The following ADCY3 variants were observed in gnomAD, a reference collection of about 807,000 sequenced individuals.
ADCY3 encodes adenylate cyclase 3.
In ADCY3, 70 loss-of-function variants were observed where a neutral mutation model predicts 119.4. That is an observed-to-expected ratio of 0.59 (90% confidence interval 0.48 to 0.72). The LOEUF (loss-of-function observed/expected upper bound fraction) is 0.72, where lower values mean the gene tolerates loss of function less well. ADCY3 is among the 30% of genes least tolerant of loss of function. The pLI is 0.00. For synonymous variants in ADCY3, 672 were observed against 621.4 expected, an observed-to-expected ratio of 1.08 and a Z score of -1.21; for missense variants, 1,238 against 1,541.6, an observed-to-expected ratio of 0.80 and a Z score of 3.30.
Position 24,918,347 on chromosome 2 carries a change from T to A in ADCY3, c.641A>T (p.Gln214Leu). ...VLGVTVAQQQ[Q>L]EELKGMQLLR... is the part of the protein sequence containing the mutation. ...CAGCTGCATCCCCTTGAGCTCCTCC[T>A]GCTGCTGCTGGGCCACGGTGACCCC... The change falls in exon 2 of 22, where the codon CAG (glutamine) becomes CTG (leucine). Residue 214 changes from glutamine (Q) to leucine (L), a missense_variant. Transcript: ENST00000679454. The surrounding 1 kb of genome is among the most constrained non-coding windows in gnomAD (Gnocchi z 5.4). 6 of 1,589,612 alleles carry A rather than the reference T, an allele frequency of 3.8e-6. No individual in the cohort carries two copies. Among genetic ancestry groups the A allele is most frequent in the Non-Finnish European group, 5.1e-6 (6 of 1,167,416 alleles).
At position 24,838,602 on chromosome 2, in the gene ADCY3, C is replaced by T; in HGVS notation, c.1376G>A (p.Ser459Asn). 6.2e-7 allele frequency: 1 copy of T among 1,614,032 alleles called. No homozygotes were observed. Among genetic ancestry groups the T allele is most frequent in the Middle Eastern group, 1.7e-4 (1 of 5,972 alleles). The change falls in exon 8 of 22, where the codon AGC becomes AAC. Residue 459 changes from serine to asparagine, a missense_variant. Around this residue, in one of 7 missense-constraint regions of ADCY3, gnomAD observed 283 missense variants for 437.2 expected, o/e 0.65. Coordinates refer to ENST00000679454, the MANE Select transcript of ADCY3 (RefSeq NM_004036.5). ...GIPGRVHISQ[S>N]TMDCLKGEFD... is the part of the protein sequence containing the mutation. ...CTCCCCTTTCAGGCAGTCCATGGTG[C>T]TCTGGGAGATGTGCACGCGCCTGGA...
At chr2:24,821,209 T>C (rs921867772) in intron 20 of ADCY3, 1 of 438,420 alleles carries the variant, frequency 2.3e-6, no homozygotes, top group Non-Finnish European at 4.1e-6. Context: ...TGGGAAGCCA[T>C]GTCCTCAGCA....
chr2:24,860,112 G>A (rs565755680), intron 3 of ADCY3, among the ~76,000 whole-genome samples: 3 of 152,206 alleles, frequency 2.0e-5, no homozygotes, highest in Non-Finnish European at 2.9e-5. Flanking sequence ...ACCATGTTCC[G>A]ATCCCTGGGA....
intron 2 of ADCY3, among the ~76,000 whole-genome samples, chr2:24,903,942 T>C (rs978812764): frequency 3.9e-5 from 6 of 152,224 alleles, no homozygotes; most frequent in Admixed American, 1.3e-4. Flanking sequence ...CCGAGCTCCA[T>C]GCAGCTCACA....
intron 3 of ADCY3, among the ~76,000 whole-genome samples, chr2:24,852,744 C>T (rs1047323997): frequency 9.9e-5 from 15 of 152,264 alleles, no homozygotes; most frequent in East Asian, 1.9e-4. Flanking sequence ...GAGCTGCCAA[C>T]GCCCGCGGAA....
intron 3 of ADCY3, among the ~76,000 whole-genome samples, chr2:24,845,736 G>T (rs926735085): frequency 6.6e-6 from 1 of 152,234 alleles, no homozygotes; most frequent in African/African-American, 2.4e-5. Flanking sequence ...CAAGACAATA[G>T]GGAAAATGTC....
chr2:24,828,690 C>T (rs924183884), intron 13 of ADCY3, among the ~76,000 whole-genome samples: 4 of 152,248 alleles, frequency 2.6e-5, no homozygotes, highest in Non-Finnish European at 5.9e-5. Flanking sequence ...CATCCAGAAC[C>T]GGAATCAACC....
chr2:24,886,461 C>G (rs1445641577), intron 2 of ADCY3, among the ~76,000 whole-genome samples: 1 of 152,194 alleles, frequency 6.6e-6, no homozygotes, highest in Non-Finnish European at 1.5e-5. Context: ...TCACCTCCAC[C>G]CGGACCTTGC....
intron 3 of ADCY3, among the ~76,000 whole-genome samples, chr2:24,861,223 C>T (rs1470704263): frequency 7.0e-6 from 1 of 143,390 alleles, no homozygotes; most frequent in Admixed American, 7.2e-5. Context: ...TGCACTCCAG[C>T]CTGGGCGAAA....
Position 24,819,231 on chromosome 2 carries a change from C to G in ADCY3, c.*701G>C, listed in dbSNP as rs1025192627. The stretch of plus-strand genomic sequence containing the variant: ...TTCTTTATCAATACCTGTAAATTCT[C>G]TTAAAGCAGTAGCAAAGGCGACTGT... On this transcript the variant is annotated 3_prime_UTR_variant, in exon 22 of 22. Transcript: ENST00000679454. 6.6e-6 allele frequency: 1 copy of G among 152,636 alleles called. No individual in the cohort carries two copies. Among genetic ancestry groups the G allele is most frequent in the Non-Finnish European group, 1.5e-5 (1 of 68,044 alleles). 9.5% of individuals were successfully genotyped at this position (152,636 alleles called of 1,614,324 possible).
rs1028319720 is a variant in ADCY3, at chr2:24,820,504, G to A, written c.3252+220C>T. On this transcript the variant is annotated intron_variant, in intron 21 of 21. Coordinates refer to ENST00000679454, the MANE Select transcript of ADCY3 (RefSeq NM_004036.5). ...GTTCATACCCAAAGGTAGGCCATAT[G>A]CATCTAGAACTTCAGCCCAGATTTT... 1.5e-5 allele frequency: 21 copies of A among 1,403,260 alleles called. 2 individuals are homozygous for A. In the Middle Eastern group the frequency reaches 1.3e-3, roughly 85 times the overall value. The allele number at this position is 1,403,260 out of a possible 1,614,324, so 86.9% of individuals were successfully genotyped here. A position where few individuals can be genotyped will look rare whatever the true frequency, so the allele number is the denominator to read the frequency against.
rs950304127 is a variant in ADCY3, at chr2:24,905,325, G to A, written c.675+12988C>T. Among the ~76,000 whole-genome samples the A allele has an allele frequency of 5.3e-5, 8 of 152,010 alleles. No individual in the cohort carries two copies. In the South Asian group the frequency reaches 8.3e-4, roughly 16 times the overall value. Reference sequence around the variant, plus strand: ...ATTTTTTTGTATTTTTAATAGAGACGGGGTTTCACCATGTTAGCCAGTATG... The same window carrying A: ...ATTTTTTTGTATTTTTAATAGAGACAGGGTTTCACCATGTTAGCCAGTATG... On this transcript the variant is annotated intron_variant, in intron 2 of 21. Transcript: ENST00000679454.
intron 2 of ADCY3, among the ~76,000 whole-genome samples, chr2:24,881,694 A>G (rs1225146487): frequency 6.6e-6 from 1 of 152,252 alleles, no homozygotes; most frequent in Admixed American, 6.5e-5. Context: ...AAGAAGCTGA[A>G]AGAACAGTTC....
chr2:24,917,141 G>A (rs1262488676), intron 2 of ADCY3, among the ~76,000 whole-genome samples: 10 of 152,194 alleles, frequency 6.6e-5, no homozygotes, highest in African/African-American at 2.4e-4. Flanking sequence ...TGTCCACCCT[G>A]GGCCTGCACA....
intron 3 of ADCY3, among the ~76,000 whole-genome samples, chr2:24,845,457 G>A (rs1042554133): frequency 5.3e-5 from 8 of 152,348 alleles, no homozygotes; most frequent in Admixed American, 2.6e-4. Flanking sequence ...CAAAGAGATT[G>A]GTGGCATTTT....
intron 11 of ADCY3, among the ~76,000 whole-genome samples, chr2:24,833,244 G>A (rs981519202): frequency 1.3e-5 from 2 of 152,208 alleles, no homozygotes; most frequent in Admixed American, 1.3e-4. Context: ...GCACCCTGCA[G>A]TGGCGTGTAG....
At chr2:24,905,233 AC>A (rs1198330913) in intron 2 of ADCY3, among the ~76,000 whole-genome samples, 2 of 150,818 alleles carry the variant, frequency 1.3e-5, no homozygotes, top group African/African-American at 4.9e-5. Flanking sequence ...CCCTGGGTTC[AC>A]ACCATTCCCC....
intron 16 of ADCY3, among the ~76,000 whole-genome samples, chr2:24,824,812 C>T (rs559199297): frequency 4.3e-4 from 65 of 152,310 alleles, no homozygotes; most frequent in African/African-American, 1.3e-3. Flanking sequence ...TCAACTTGAA[C>T]CCAGGAGGCA....
In ADCY3 at chr2:24,837,043, G is replaced by C. The variant is rs763773538; in HGVS notation, c.1536C>G (p.Ala512=). The C allele has an allele frequency of 9.9e-6, 16 of 1,613,802 alleles. No homozygotes were observed. The highest frequency in any genetic ancestry group is 1.4e-5 in the Non-Finnish European group (16 of 1,179,936). Residue 512 remains alanine (A), a splice_region_variant and synonymous_variant, in exon 9 of 22, where the codon GCC becomes GCG. Transcript: ENST00000679454. ...TATQNGLNGS[A]LPNGAPASSK... ...AGGAAGCTGGTGCTCCATTGGGCAG[G>C]GCCTAGAGGAAAGGAGAGCTCAGCC... is the stretch of plus-strand genomic sequence containing the variant.
Sources: allele counts gnomAD v4.1 joint callset (sites outside exome capture counted in the v4.1 genomes callset), GRCh38; gene constraint gnomAD v4.1.1; regional missense constraint gnomAD v4.1.1; non-coding constraint Gnocchi (gnomAD v3.1); transcripts MANE v1.5; gene names NCBI Gene and HGNC (gene_info 2026-07-23, HGNC 2026-07-21).